SPATA9: variants seen among roughly 807,000 people sequenced by gnomAD.
SPATA9 encodes the protein spermatogenesis-associated protein 9.
A neutral mutation model predicts 25.5 loss-of-function variants in SPATA9; 27 were observed. The observed-to-expected ratio is 1.06, with a 90% CI of 0.78 to 1.46. SPATA9 has a LOEUF of 1.46. Ranked by LOEUF, SPATA9 falls within the 40% of genes most tolerant of loss-of-function variation. The pLI is 0.00. For synonymous variants in SPATA9, 102 were observed against 105.7 expected, an observed-to-expected ratio of 0.97 and a Z score of 0.21; for missense variants, 282 against 297.5, an observed-to-expected ratio of 0.95 and a Z score of 0.38.
the SPATA9 span, chr5:95,719,911 C>T: frequency 6.6e-6 from 1 of 152,186 alleles, no homozygotes; most frequent in Non-Finnish European, 1.5e-5. Context: ...AGACACAAAA[C>T]ATCCTTGGGA....
chr5:95,660,394 A>C (rs1405450071), intron 4 of SPATA9, among the ~76,000 whole-genome samples: 1 of 152,216 alleles, frequency 6.6e-6, no homozygotes, highest in Admixed American at 6.5e-5. Context: ...AAGCACGGAC[A>C]TTCAGACCTG....
intron 1 of SPATA9, among the ~76,000 whole-genome samples, chr5:95,689,140 C>T (rs1206777202): frequency 1.3e-5 from 2 of 152,214 alleles, no homozygotes; most frequent in Non-Finnish European, 2.9e-5. Flanking sequence ...TCATGTGACA[C>T]ATCCCAACAA....
intron 4 of SPATA9, among the ~76,000 whole-genome samples, chr5:95,660,012 A>T (rs1442846302): frequency 6.6e-6 from 1 of 152,146 alleles, no homozygotes; most frequent in African/African-American, 2.4e-5. Flanking sequence ...AGGACTAAAA[A>T]GTTTTTAGAA....
chr5:95,677,789 T>C (rs2112659276), intron 2 of SPATA9, among the ~76,000 whole-genome samples: 1 of 152,328 alleles, frequency 6.6e-6, no homozygotes, highest in African/African-American at 2.4e-5. Flanking sequence ...TATTCATCTT[T>C]CATATTTAAA....
At chr5:95,706,419 A>G in the SPATA9 span, among the ~76,000 whole-genome samples, 1 of 151,832 alleles carries the variant, frequency 6.6e-6, no homozygotes, top group East Asian at 1.9e-4. Flanking sequence ...TCCAGCCACA[A>G]ATGGGTGGAG....
downstream of SPATA9, chr5:95,654,289 T>G (rs1261888851): frequency 1.2e-6 from 2 of 1,609,148 alleles, no homozygotes; most frequent in South Asian, 2.2e-5. Flanking sequence ...CTATCAAAAT[T>G]TCAGTTTTTT....
At chr5:95,653,989 G>A (rs1049598395), downstream of SPATA9, 10 of 1,270,296 alleles carry the variant, frequency 7.9e-6, no homozygotes, top group Non-Finnish European at 1.1e-5. Flanking sequence ...TTCATTCTTA[G>A]GGTTATCTCC....
chr5:95,719,484 T>G, the SPATA9 span, among the ~76,000 whole-genome samples: 1 of 152,236 alleles, frequency 6.6e-6, no homozygotes, highest in Non-Finnish European at 1.5e-5. Flanking sequence ...TAGGTTAAAC[T>G]GGCTCTAAAA....
the SPATA9 span, chr5:95,731,176 C>A: frequency 9.9e-7 from 1 of 1,006,668 alleles, no homozygotes; most frequent in East Asian, 1.1e-4. Flanking sequence ...GTCCAGCCGC[C>A]GCCACCGGAG....
the SPATA9 span, among the ~76,000 whole-genome samples, chr5:95,720,844 T>C: frequency 6.6e-6 from 1 of 152,344 alleles, no homozygotes; most frequent in African/African-American, 2.4e-5. Context: ...TATTCTTTTG[T>C]TTCTGTTCAC....
chr5:95,683,780 G>A (rs1753640131), upstream of SPATA9, among the ~76,000 whole-genome samples: 3 of 151,962 alleles, frequency 2.0e-5, no homozygotes, highest in African/African-American at 7.3e-5. Context: ...CTCATGATCC[G>A]CCTGCCTCGG....
At chr5:95,653,223 A>G in intron 8 of SPATA9, 2 of 1,551,648 alleles carry the variant, frequency 1.3e-6, no homozygotes, top group Non-Finnish European at 1.7e-6. Flanking sequence ...AGGTAAGAAA[A>G]TGAAAGGTTT....
chr5:95,697,031 A>G (rs1216154968), intron 1 of SPATA9, among the ~76,000 whole-genome samples: 1 of 152,224 alleles, frequency 6.6e-6, no homozygotes, highest in African/African-American at 2.4e-5. Flanking sequence ...TTTGAATAAT[A>G]TTGGTTCTCT....
the SPATA9 span, among the ~76,000 whole-genome samples, chr5:95,728,843 G>GCCAAAACCCA: frequency 1.3e-5 from 2 of 152,126 alleles, no homozygotes; most frequent in East Asian, 3.8e-4. Flanking sequence ...AAAGAAGCCG[G>GCCAAAACCCA]CCAAAACCCA....
chr5:95,669,555 T>C (rs1410129331), intron 3 of SPATA9, among the ~76,000 whole-genome samples: 1 of 152,196 alleles, frequency 6.6e-6, no homozygotes, highest in Non-Finnish European at 1.5e-5. Flanking sequence ...TCTTATTCTA[T>C]ACCATGCCGC....
At chr5:95,681,530 CCATATTCTAA>C (rs1753456093) in intron 2 of SPATA9, among the ~76,000 whole-genome samples, 1 of 152,166 alleles carries the variant, frequency 6.6e-6, no homozygotes, top group African/African-American at 2.4e-5. Context: ...GTAACACTGA[CCATATTCTAA>C]TGCAATTACT....
At chr5:95,653,667 G>A (rs575088775), downstream of SPATA9, among the ~76,000 whole-genome samples, 6 of 152,320 alleles carry the variant, frequency 3.9e-5, no homozygotes, top group South Asian at 1.2e-3. Context: ...GGGAGACTGA[G>A]GTGGGTGGAT....
At chr5:95,654,378 T>C (rs1198344836), downstream of SPATA9, 4 of 1,558,264 alleles carry the variant, frequency 2.6e-6, no homozygotes, top group South Asian at 1.2e-5. Flanking sequence ...GTATGTAAAA[T>C]TAAATTTATT....
chr5:95,680,140 C>T (rs1214450164), intron 2 of SPATA9, among the ~76,000 whole-genome samples: 3 of 152,158 alleles, frequency 2.0e-5, no homozygotes, highest in Admixed American at 6.5e-5. Flanking sequence ...CCTTGTGATC[C>T]GCCTGCCTCG....
Sources: gnomAD v4.1 joint callset for allele counts (sites outside exome capture counted in the v4.1 genomes callset) on GRCh38, gnomAD v4.1.1 for gene constraint, MANE v1.5 for transcripts, NCBI Gene and HGNC (gene_info 2026-07-23, HGNC 2026-07-21) for gene names.